DGKE: variants seen among roughly 807,000 people sequenced by gnomAD.
DGKE encodes the protein DAG kinase epsilon.
Under a neutral mutation model 70.0 loss-of-function variants are expected in DGKE, and 53 were observed. The observed-to-expected ratio is 0.76, with a 90% CI of 0.61 to 0.95. The LOEUF (loss-of-function observed/expected upper bound fraction) is 0.95, where lower values mean the gene tolerates loss of function less well. Among genes scored for constraint, DGKE ranks in the 40% least tolerant of loss-of-function variants. DGKE has a pLI of 0.00. For synonymous variants in DGKE, 291 were observed against 257.0 expected (o/e 1.13, Z -1.27); for missense variants, 655 against 706.9 (o/e 0.93, Z 0.83).
Position 56,849,171 on chromosome 17 carries a change from T to C in DGKE, c.1047-10T>C. On this transcript the variant is annotated splice_polypyrimidine_tract_variant and intron_variant, in intron 6 of 11. Coordinates refer to ENST00000284061, the MANE Select transcript of DGKE (RefSeq NM_003647.3). ...AAAACGTGCTGTTTTTTTTAACTTC[T>C]GTTTTTTAGATGGAAAGTTCAAGTA... is the stretch of plus-strand genomic sequence containing the variant. 1 of 1,608,050 alleles carries C rather than the reference T, an allele frequency of 6.2e-7. No homozygotes were observed. Among genetic ancestry groups the C allele is most frequent in the East Asian group, 2.2e-5 (1 of 44,862 alleles).
Position 56,835,017 on chromosome 17 carries a change from C to T in DGKE, c.222C>T (p.Cys74=), listed in dbSNP as rs1367463060. 1.2e-6 allele frequency: 2 copies of T among 1,612,842 alleles called. No individual in the cohort carries two copies. The highest frequency in any genetic ancestry group is 3.3e-5 in the Admixed American group (2 of 60,020). Residue 74 remains cysteine (C), a synonymous_variant, in exon 2 of 12, where the codon TGC becomes TGT. Coordinates refer to ENST00000284061, the MANE Select transcript of DGKE (RefSeq NM_003647.3). ...DTDLFSQPTY[C]CVCAQHILQG... ...ACCTGTTCAGCCAGCCCACCTACTG[C>T]TGCGTGTGCGCGCAGCACATTCTGC...
chr17:56,858,730 A>C, intron 9 of DGKE, 65 bp downstream of exon 9: 1 of 1,203,870 alleles, frequency 8.3e-7, no homozygotes, highest in South Asian at 1.4e-5. Context: ...AAGACTTTTT[A>C]AACAGAAATG....
intron 2 of DGKE, chr17:56,835,930 C>G (rs917123333): frequency 6.6e-6 from 1 of 152,216 alleles, no homozygotes; most frequent in African/African-American, 2.4e-5. Context: ...GTGAAGATGT[C>G]CTTTGCTGAT....
chr17:56,834,848 C>T lies in DGKE; in HGVS notation c.53C>T (p.Ala18Val). ...APGSPSEGLF[A>V]DGHLILWTLC... ...GGCTCGCCCTCCGAGGGCCTGTTTG[C>T]GGACGGGCACCTGATCTTGTGGACG... The change falls in exon 2 of 12, where the codon GCG (alanine) becomes GTG (valine). Residue 18 changes from alanine to valine, a missense_variant. Transcript: ENST00000284061. The T allele has an allele frequency of 1.2e-6, 2 of 1,610,980 alleles. No homozygotes were observed. The highest frequency in any genetic ancestry group is 1.7e-6 in the Non-Finnish European group (2 of 1,178,760).
At chr17:56,845,610 AC>A in intron 3 of DGKE, 79 bp from the exon 4 acceptor site, 1 of 1,403,324 alleles carries the variant, frequency 7.1e-7, no homozygotes, top group Non-Finnish European at 9.5e-7. Context: ...AAATTATAGC[AC>A]CATTGTTCTC....
At chr17:56,858,527 G>A (rs556983193) in intron 8 of DGKE, 67 bp from the exon 9 acceptor site, 29 of 1,299,078 alleles carry the variant, frequency 2.2e-5, no homozygotes, top group African/African-American at 7.5e-5. Context: ...TTGATACAGC[G>A]TATTTTTTCT....
Position 56,862,899 on chromosome 17 carries a change from C to CT in DGKE, c.*109dup. 1.0e-6 allele frequency: 1 copy of CT among 972,650 alleles called. No homozygotes were observed. The allele number at this position is 972,650 out of a possible 1,614,324, so 60.3% of individuals were successfully genotyped here. Reference sequence around the variant, plus strand: ...TATCAGCTATTCAGTCTTAATTTCACTAGTAGTATAATGGGTATACATTTT... The same window carrying CT: ...TATCAGCTATTCAGTCTTAATTTCACTTAGTAGTATAATGGGTATACATTTT... On this transcript the variant is annotated 3_prime_UTR_variant, in exon 12 of 12. Transcript: ENST00000284061.
chr17:56,850,112 A>G (rs949358266), intron 7 of DGKE, among the ~76,000 whole-genome samples: 3 of 150,304 alleles, frequency 2.0e-5, no homozygotes, highest in Non-Finnish European at 1.5e-5. Flanking sequence ...CAAGAACTAC[A>G]TCTTTTCTTT....
Position 56,834,834 on chromosome 17 carries a change from C to G in DGKE, c.39C>G (p.Ser13=), listed in dbSNP as rs778847844. ...GGCGGCCGGCGCCGGGCTCGCCCTC[C>G]GAGGGCCTGTTTGCGGACGGGCACC... is the stretch of plus-strand genomic sequence containing the variant. The part of the protein sequence containing the change: ...AERRPAPGSP[S]EGLFADGHLI... The change falls in exon 2 of 12, where the codon TCC becomes TCG. Residue 13 remains serine, a synonymous_variant. Transcript: ENST00000284061. The G allele has an allele frequency of 6.2e-7, 1 of 1,609,786 alleles. No individual in the cohort carries two copies. The highest frequency in any genetic ancestry group is 8.5e-7 in the Non-Finnish European group (1 of 1,178,516).
rs901471855 is a variant in DGKE, at chr17:56,865,039, G to A, written c.*2248G>A. The stretch of plus-strand genomic sequence containing the variant: ...GACTTCATTTAGGGAAGCTATTTCA[G>A]AATACCATCTCATAAAATGTATCAT... On this transcript the variant is annotated 3_prime_UTR_variant, in exon 12 of 12. Transcript: ENST00000284061. The A allele has an allele frequency of 6.6e-6, 1 of 152,012 alleles. No homozygotes were observed. The highest frequency in any genetic ancestry group is 1.5e-5 in the Non-Finnish European group (1 of 67,976). 9.4% of individuals were successfully genotyped at this position (152,012 alleles called of 1,614,324 possible).
rs766174427 is a variant in DGKE, at chr17:56,835,153, C to T, written c.358C>T (p.Leu120=). The T allele has an allele frequency of 1.2e-6, 2 of 1,614,010 alleles. No homozygotes were observed. Among genetic ancestry groups the T allele is most frequent in the Non-Finnish European group, 1.7e-6 (2 of 1,180,050 alleles). Residue 120 remains leucine (L), a synonymous_variant, in exon 2 of 12, where the codon CTG becomes TTG. Transcript: ENST00000284061. ...EIMLKNDTKV[L]DAMPHHWIRG... Reference sequence around the variant, plus strand: ...TATGCTCAAGAATGACACCAAGGTCCTGGACGCCATGCCCCACCACTGGAT... The same window carrying T: ...TATGCTCAAGAATGACACCAAGGTCTTGGACGCCATGCCCCACCACTGGAT...
rs767939518 is a variant in DGKE at position 56,862,775 on chromosome 17, T to C, written c.1688T>C (p.Ile563Thr). 3.0e-5 allele frequency: 48 copies of C among 1,578,602 alleles called. No individual in the cohort carries two copies. Among genetic ancestry groups the C allele is most frequent in the Middle Eastern group, 1.7e-4 (1 of 5,928 alleles). Residue 563 changes from isoleucine to threonine, a missense_variant, in exon 12 of 12, where the codon ATA (isoleucine) becomes ACA (threonine). Coordinates refer to ENST00000284061, the MANE Select transcript of DGKE (RefSeq NM_003647.3). The part of the protein sequence containing the change: ...DISSTSDQED[I>T]KATE ...TCTAGTACTTCGGATCAAGAAGATA[T>C]AAAGGCGACTGAATAGATGGATGAG...
At chr17:56,845,257 C>T (rs375633403) in intron 3 of DGKE, among the ~76,000 whole-genome samples, 7 of 152,052 alleles carry the variant, frequency 4.6e-5, no homozygotes, top group African/African-American at 1.7e-4. Flanking sequence ...TTGCAAAACA[C>T]ACCAGAATAC....
chr17:56,844,202 T>C, intron 3 of DGKE, 24 bp downstream of exon 3: 1 of 1,419,010 alleles, frequency 7.0e-7, no homozygotes, highest in South Asian at 1.5e-5. Context: ...ATTTCTCTAA[T>C]ATGATTGATT....
At chr17:56,862,457 G>T in intron 11 of DGKE, 155 bp from the exon 12 acceptor site, 1 of 913,698 alleles carries the variant, frequency 1.1e-6, no homozygotes, top group Non-Finnish European at 1.6e-6. Context: ...CTTGAAAAAA[G>T]AATTCCTTAA....
chr17:56,849,315 G>T, intron 7 of DGKE, 83 bp downstream of exon 7: 4 of 1,266,172 alleles, frequency 3.2e-6, no homozygotes, highest in Non-Finnish European at 3.3e-6. Flanking sequence ...ACAGAGACCT[G>T]GTGCTTATCT....
At chr17:56,862,274 AG>A (rs1165676236) in intron 11 of DGKE, 23 bp downstream of exon 11, 1 of 1,590,920 alleles carries the variant, frequency 6.3e-7, no homozygotes, top group Non-Finnish European at 8.6e-7. Context: ...TAGCTGTAAC[AG>A]GCTAATTTGT....
At position 56,863,029 on chromosome 17, in the gene DGKE, C is replaced by T. The variant is rs921509933; in HGVS notation, c.*238C>T. On this transcript the variant is annotated 3_prime_UTR_variant, in exon 12 of 12. Coordinates refer to ENST00000284061, the MANE Select transcript of DGKE (RefSeq NM_003647.3). ...AATAGTATTAACTTACAAAAAGTCA[C>T]AAAAACTTACATGAGAGTGAAAATT... is the stretch of plus-strand genomic sequence containing the variant. 19 of 353,024 alleles carry T rather than the reference C, an allele frequency of 5.4e-5. No individual in the cohort carries two copies. Among genetic ancestry groups the T allele is most frequent in the Admixed American group, 2.9e-4 (6 of 20,946 alleles). The allele number at this position is 353,024 out of a possible 1,614,324, so 21.9% of individuals were successfully genotyped here. A position where few individuals can be genotyped will look rare whatever the true frequency, so the allele number is the denominator to read the frequency against.
At chr17:56,852,074 T>TA (rs1205070230) in intron 7 of DGKE, among the ~76,000 whole-genome samples, 2 of 151,236 alleles carry the variant, frequency 1.3e-5, no homozygotes, top group East Asian at 2.0e-4. Context: ...ACCCCATCTC[T>TA]AAAAAAAGAG....
Sources: allele counts gnomAD v4.1 joint callset (sites outside exome capture counted in the v4.1 genomes callset), GRCh38; gene constraint gnomAD v4.1.1; transcripts MANE v1.5; gene names NCBI Gene and HGNC (gene_info 2026-07-23, HGNC 2026-07-21).